Variants in CD40 observed in about 807,000 individuals in gnomAD.
CD40 encodes CD40 molecule.
A neutral mutation model predicts 38.5 loss-of-function variants in CD40; 19 were observed. The observed-to-expected ratio is 0.49, with a 90% CI of 0.34 to 0.72. CD40 has a LOEUF of 0.72. Among genes scored for constraint, CD40 ranks in the 30% least tolerant of loss-of-function variants. The pLI is 0.01. For synonymous variants in CD40, 130 were observed against 128.7 expected (o/e 1.01, Z -0.07); for missense variants, 256 against 344.1 (o/e 0.74, Z 2.03).
At chr20:46,123,031 G>T in intron 4 of CD40, 95 bp from the exon 5 acceptor site, 1 of 1,033,646 alleles carries the variant, frequency 9.7e-7, no homozygotes. Flanking sequence ...CTCAAGGCAG[G>T]AGCTCTTCCC....
At chr20:46,128,309 T>TTC (rs1385488957) in intron 7 of CD40, 21 bp from the exon 8 acceptor site, 3 of 1,542,292 alleles carry the variant, frequency 1.9e-6, no homozygotes, top group South Asian at 1.2e-5. Context: ...CCATCCTTTT[T>TTC]TTTTTTTTTT....
intron 1 of CD40, among the ~76,000 whole-genome samples, chr20:46,119,007 A>T (rs1361491051): frequency 6.9e-3 from 5 of 728 alleles, no homozygotes; most frequent in Non-Finnish European, 0.018. Context: ...GACATAGGAG[A>T]CCCCTGGGGA....
chr20:46,126,317 T>A (rs879529851), intron 5 of CD40, among the ~76,000 whole-genome samples: 6 of 151,932 alleles, frequency 3.9e-5, no homozygotes, highest in Non-Finnish European at 8.8e-5. Context: ...CCAGCCTTGG[T>A]GGATTCTGTC....
At chr20:46,123,039 C>T in intron 4 of CD40, 87 bp from the exon 5 acceptor site, 8 of 1,074,868 alleles carry the variant, frequency 7.4e-6, no homozygotes, top group Non-Finnish European at 1.2e-5. Flanking sequence ...AGGAGCTCTT[C>T]CCGTCCTGCC....
chr20:46,119,732 C>G (rs2085281158), intron 1 of CD40, among the ~76,000 whole-genome samples: 1 of 152,098 alleles, frequency 6.6e-6, no homozygotes, highest in South Asian at 2.1e-4. Context: ...CAAATTGAGG[C>G]TCAGAAAGGG....
chr20:46,124,166 G>C (rs1045789602), intron 5 of CD40, among the ~76,000 whole-genome samples: 1 of 152,128 alleles, frequency 6.6e-6, no homozygotes, highest in East Asian at 1.9e-4. Context: ...TGGGTGTGGT[G>C]GTGGGCGCCT....
In CD40 at chr20:46,118,328, C is replaced by T. The variant is rs753511518; in HGVS notation, c.-16C>T. 17 of 1,613,332 alleles carry T rather than the reference C, an allele frequency of 1.1e-5. No individual in the cohort carries two copies. The South Asian group carries it at 1.8e-4, about 17-fold the overall frequency. The stretch of plus-strand genomic sequence containing the variant: ...CTCGGGCGCCCAGTGGTCCTGCCGC[C>T]TGGTCTCACCTCGCTATGGTTCGTC... On this transcript the variant is annotated 5_prime_UTR_variant, in exon 1 of 9. Transcript: ENST00000372285.
chr20:46,123,071 G>A, intron 4 of CD40, 55 bp from the exon 5 acceptor site: 3 of 1,362,786 alleles, frequency 2.2e-6, no homozygotes, highest in Non-Finnish European at 3.2e-6. Flanking sequence ...TGCCTTGTGA[G>A]CCGGACAGGT....
chr20:46,122,878 TCGGTATCCC>T lies in CD40; in HGVS notation c.403+124_403+132del, dbSNP rs1299138972. ...GAGGAAGCAGAGGCTCCAACCTATG[TCGGTATCCC>T]CACTGGAGTGAGCTGCAGACGGGAC... is the stretch of plus-strand genomic sequence containing the variant. On this transcript the variant is annotated intron_variant, in intron 4 of 8. Coordinates refer to ENST00000372285, the MANE Select transcript of CD40 (RefSeq NM_001250.6). The surrounding 1 kb of genome is among the most constrained non-coding windows in gnomAD (Gnocchi z 5.0). 6.3e-6 allele frequency: 8 copies of T among 1,275,152 alleles called. No homozygotes were observed. The highest frequency in any genetic ancestry group is 8.8e-6 in the Non-Finnish European group (8 of 907,982). The allele number at this position is 1,275,152 out of a possible 1,614,324, so 79.0% of individuals were successfully genotyped here.
In CD40 at chr20:46,122,330, C is replaced by T; in HGVS notation, c.228C>T (p.His76=). The change falls in exon 3 of 9, where the codon CAC becomes CAT. Residue 76 remains histidine (H), a synonymous_variant. Coordinates refer to ENST00000372285, the MANE Select transcript of CD40 (RefSeq NM_001250.6). The surrounding 1 kb of genome is among the most constrained non-coding windows in gnomAD (Gnocchi z 5.0). ...TAGACACCTGGAACAGAGAGACACA[C>T]TGCCACCAGCACAAATACTGCGACC... ...EFLDTWNRET[H]CHQHKYCDPN... The T allele has an allele frequency of 6.2e-7, 1 of 1,614,226 alleles. No individual in the cohort carries two copies. The highest frequency in any genetic ancestry group is 8.5e-7 in the Non-Finnish European group (1 of 1,180,040).
At chr20:46,120,670 CTTGTT>C (rs1270005165) in intron 1 of CD40, among the ~76,000 whole-genome samples, 1 of 152,180 alleles carries the variant, frequency 6.6e-6, no homozygotes, top group Non-Finnish European at 1.5e-5. Flanking sequence ...TTTTAATAAC[CTTGTT>C]TTGTTTCCCC....
Position 46,128,304 on chromosome 20 carries a change from CTTTTTTTTTTTTTT to C in CD40, c.647-16_647-3del, listed in dbSNP as rs749590513. ...TATCTGGCCTCTCCAACTCCCCATC[CTTTTTTTTTTTTTT>C]TTTTTTTTTAGAAAAGGTGGCCAAG... On this transcript the variant is annotated splice_polypyrimidine_tract_variant and intron_variant, in intron 7 of 8. Coordinates refer to ENST00000372285, the MANE Select transcript of CD40 (RefSeq NM_001250.6). 5 of 1,440,244 alleles carry C rather than the reference CTTTTTTTTTTTTTT, an allele frequency of 3.5e-6. No homozygotes were observed. The highest frequency in any genetic ancestry group is 1.3e-5 in the South Asian group (1 of 78,392). 89.2% of individuals were successfully genotyped at this position (1,440,244 alleles called of 1,614,324 possible).
Position 46,122,587 on chromosome 20 carries a change from C to T in CD40, c.257-23C>T, listed in dbSNP as rs376448796. The T allele has an allele frequency of 1.2e-6, 2 of 1,613,966 alleles. No individual in the cohort carries two copies. The highest frequency in any genetic ancestry group is 1.7e-5 in the Admixed American group (1 of 60,002). On this transcript the variant is annotated intron_variant, in intron 3 of 8. Coordinates refer to ENST00000372285, the MANE Select transcript of CD40 (RefSeq NM_001250.6). The surrounding 1 kb of genome is among the most constrained non-coding windows in gnomAD (Gnocchi z 5.0). ...GCATGGCCCAGCAGGGGGTTCCCATCCTTCCTGCCCTTCTCTTCTCAGACC... is the reference window on the plus strand; with the variant it reads ...GCATGGCCCAGCAGGGGGTTCCCATTCTTCCTGCCCTTCTCTTCTCAGACC...
At position 46,128,019 on chromosome 20, in the gene CD40, C is replaced by A. The variant is rs190106227; in HGVS notation, c.560-119C>A. ...ATTTCCCCAAGGACCGCGGTTTGAA[C>A]CTTCTGATGTAGATGAGCTCTGACA... On this transcript the variant is annotated intron_variant, in intron 6 of 8. Coordinates refer to ENST00000372285, the MANE Select transcript of CD40 (RefSeq NM_001250.6). The A allele has an allele frequency of 3.7e-3, 5,842 of 1,589,886 alleles. 14 individuals are homozygous for A. The highest frequency in any genetic ancestry group is 4.7e-3 in the Non-Finnish European group (5,461 of 1,166,136).
At position 46,118,367 on chromosome 20, in the gene CD40, C is replaced by T. The variant is rs1481881300; in HGVS notation, c.24C>T (p.Cys8=). Residue 8 remains cysteine (C), a synonymous_variant, in exon 1 of 9, where the codon TGC becomes TGT. Transcript: ENST00000372285. ...CTATGGTTCGTCTGCCTCTGCAGTG[C>T]GTCCTCTGGGGCTGCTTGCTGACCG... The part of the protein sequence containing the change: MVRLPLQ[C]VLWGCLLTAV... The T allele has an allele frequency of 2.5e-6, 4 of 1,614,112 alleles. No homozygotes were observed. The highest frequency in any genetic ancestry group is 3.4e-6 in the Non-Finnish European group (4 of 1,180,002).
chr20:46,125,009 C>T (rs1417843699), intron 5 of CD40, among the ~76,000 whole-genome samples: 4 of 151,350 alleles, frequency 2.6e-5, no homozygotes, highest in South Asian at 2.1e-4. Flanking sequence ...CCTCGTGATC[C>T]GTCTGCCTTG....
intron 8 of CD40, 112 bp downstream of exon 8, chr20:46,128,470 G>A: frequency 8.3e-7 from 1 of 1,199,306 alleles, no homozygotes; most frequent in Non-Finnish European, 1.2e-6. Context: ...CAGCCAGTGG[G>A]GTGGCAGCAG....
Position 46,122,524 on chromosome 20 carries a change from G to A in CD40, c.257-86G>A. 6.3e-7 allele frequency: 1 copy of A among 1,596,550 alleles called. No individual in the cohort carries two copies. Among genetic ancestry groups the A allele is most frequent in the Non-Finnish European group, 8.6e-7 (1 of 1,164,588 alleles). On this transcript the variant is annotated intron_variant, in intron 3 of 8. Transcript: ENST00000372285. The surrounding 1 kb of genome is among the most constrained non-coding windows in gnomAD (Gnocchi z 5.0). The stretch of plus-strand genomic sequence containing the variant: ...CATCTCTACTTGGAAGAGGGTCTGA[G>A]GAAGAAAGAGCAGGCAATGTGGGGA...
At chr20:46,120,136 T>C (rs2085289416) in intron 1 of CD40, among the ~76,000 whole-genome samples, 1 of 152,278 alleles carries the variant, frequency 6.6e-6, no homozygotes, top group African/African-American at 2.4e-5. Flanking sequence ...ACCAGTTAGG[T>C]AGGATTCTGG....
Sources: gnomAD v4.1 joint callset for allele counts (sites outside exome capture counted in the v4.1 genomes callset) on GRCh38, gnomAD v4.1.1 for gene constraint, Gnocchi (gnomAD v3.1) non-coding constraint, MANE v1.5 for transcripts, NCBI Gene and HGNC (gene_info 2026-07-23, HGNC 2026-07-21) for gene names.